The following ADAMTS18 variants were observed in gnomAD, a reference collection of about 807,000 sequenced individuals.
ADAMTS18 encodes the protein ADAM metallopeptidase with thrombospondin type 1 motif 18.
Under a neutral mutation model 165.9 loss-of-function variants are expected in ADAMTS18, and 157 were observed. The ratio of observed to expected loss-of-function variants is 0.95; its 90% CI spans 0.83 to 1.08. The LOEUF is 1.08. ADAMTS18 is among the 50% of genes least tolerant of loss of function. The pLI, the probability that ADAMTS18 is intolerant of heterozygous loss-of-function variation, is 0.00. For missense variants in ADAMTS18, 2,040 were observed against 1,534.0 expected, an observed-to-expected ratio of 1.33 and a Z score of -5.51; for synonymous variants, 782 against 578.2, an observed-to-expected ratio of 1.35 and a Z score of -5.06.
intron 21 of ADAMTS18, chr16:77,290,417 A>G (rs750145082): frequency 3.3e-5 from 5 of 152,046 alleles, no homozygotes; most frequent in Non-Finnish European, 7.4e-5. Flanking sequence ...ATCTAAATAA[A>G]CTTATTAGAG....
intron 12 of ADAMTS18, among the ~76,000 whole-genome samples, chr16:77,333,195 C>T (rs889690548): frequency 6.6e-6 from 1 of 152,118 alleles, no homozygotes; most frequent in Non-Finnish European, 1.5e-5. Context: ...TACCTTCCCT[C>T]GGTGCACATG....
At chr16:77,384,695 C>G (rs140972579) in intron 3 of ADAMTS18, among the ~76,000 whole-genome samples, 1 of 152,070 alleles carries the variant, frequency 6.6e-6, no homozygotes, top group Admixed American at 6.6e-5. Flanking sequence ...CTAATTTAAC[C>G]CTTTATATTC....
intron 10 of ADAMTS18, 140 bp from the exon 11 acceptor site, chr16:77,341,939 T>C: frequency 1.5e-6 from 1 of 680,626 alleles, no homozygotes; most frequent in South Asian, 1.8e-5. Context: ...CCAGTGAAGT[T>C]GGCAACACCA....
chr16:77,367,803 G>C, intron 3 of ADAMTS18, 80 bp from the exon 4 acceptor site: 2 of 1,547,642 alleles, frequency 1.3e-6, no homozygotes, highest in Non-Finnish European at 1.8e-6. Flanking sequence ...AACTGCTTCT[G>C]ACTAATTCCT....
Position 77,353,737 on chromosome 16 carries a change from A to G in ADAMTS18, c.1610T>C (p.Val537Ala). ...TGAAATCACAAGCAAACATACCTTCACAAAACCAAGGCTGCATAACTTGGC... is the reference window on the plus strand; with the variant it reads ...TGAAATCACAAGCAAACATACCTTCGCAAAACCAAGGCTGCATAACTTGGC... ...AKAKLCSLGF[V>A]KDICKSLWCH... Residue 537 changes from valine (V) to alanine (A), a missense_variant, in exon 10 of 23, where the codon GTG becomes GCG. By Grantham distance (64) the Val-to-Ala change is moderately conservative. Coordinates refer to ENST00000282849, the MANE Select transcript of ADAMTS18 (RefSeq NM_199355.4). 6.2e-7 allele frequency: 1 copy of G among 1,614,192 alleles called. No individual in the cohort carries two copies. The highest frequency in any genetic ancestry group is 8.5e-7 in the Non-Finnish European group (1 of 1,180,026).
chr16:77,330,223 G>A (rs1597130366), intron 12 of ADAMTS18, among the ~76,000 whole-genome samples: 1 of 152,172 alleles, frequency 6.6e-6, no homozygotes, highest in East Asian at 1.9e-4. Flanking sequence ...GCTAAGTTGT[G>A]TTAGAGTTAG....
chr16:77,320,963 A>G, intron 15 of ADAMTS18, 116 bp downstream of exon 15: 1 of 1,287,634 alleles, frequency 7.8e-7, no homozygotes, highest in South Asian at 1.2e-5. Context: ...AAATGCCACC[A>G]TCACTAGTGT....
intron 4 of ADAMTS18, among the ~76,000 whole-genome samples, chr16:77,365,770 G>A (rs2056784560): frequency 6.6e-6 from 1 of 152,200 alleles, no homozygotes; most frequent in Non-Finnish European, 1.5e-5. Flanking sequence ...CACTGGTCCA[G>A]CCGTAATAGT....
intron 2 of ADAMTS18, among the ~76,000 whole-genome samples, chr16:77,432,710 G>A (rs1040507744): frequency 7.9e-5 from 12 of 151,530 alleles, no homozygotes; most frequent in South Asian, 2.1e-4. Context: ...TACTGGAGGA[G>A]GAAAAGGAAG....
At chr16:77,418,057 A>T (rs138388296) in intron 3 of ADAMTS18, among the ~76,000 whole-genome samples, 482 of 152,308 alleles carry the variant, frequency 3.2e-3, no homozygotes, top group African/African-American at 0.011. Context: ...TTATAAATAC[A>T]TCTCTGTTTC....
intron 10 of ADAMTS18, among the ~76,000 whole-genome samples, chr16:77,345,641 G>T (rs1307196648): frequency 6.6e-6 from 1 of 152,082 alleles, no homozygotes; most frequent in African/African-American, 2.4e-5. Context: ...TTCTACATGT[G>T]GCTTGTTAAA....
In ADAMTS18 at chr16:77,289,326, T is replaced by A. The variant is rs753566494; in HGVS notation, c.3488A>T (p.His1163Leu). The change falls in exon 22 of 23, where the codon CAT becomes CTT. Residue 1163 changes from histidine to leucine, a missense_variant. Physicochemically the swap from His to Leu is moderately conservative, Grantham distance 99. Coordinates refer to ENST00000282849, the MANE Select transcript of ADAMTS18 (RefSeq NM_199355.4). ...QGRPSSSCLL[H>L]QKPPVLRACN... ...GGCTCGTAGCACCGGAGGTTTCTGA[T>A]GGAGCAGACAACTTGAGGAAGGCCG... 6.2e-7 allele frequency: 1 copy of A among 1,614,124 alleles called. No individual in the cohort carries two copies. Among genetic ancestry groups the A allele is most frequent in the Non-Finnish European group, 8.5e-7 (1 of 1,180,012 alleles).
In ADAMTS18 at chr16:77,282,862, C is replaced by A. The variant is rs766717514; in HGVS notation, c.*1094G>T. On this transcript the variant is annotated 3_prime_UTR_variant, in exon 23 of 23. Transcript: ENST00000282849. ...TATTAATATTAACATAGCAAGAAGA[C>A]AGATGGATTTTTTTATTACCACTGT... 1 of 148,346 alleles carries A rather than the reference C, an allele frequency of 6.7e-6. No homozygotes were observed. Among genetic ancestry groups the A allele is most frequent in the African/African-American group, 2.5e-5 (1 of 40,270 alleles). The allele number at this position is 148,346 out of a possible 1,614,324, so 9.2% of individuals were successfully genotyped here.
intron 4 of ADAMTS18, 57 bp from the exon 5 acceptor site, chr16:77,364,438 G>C: frequency 1.3e-6 from 2 of 1,563,902 alleles, no homozygotes; most frequent in African/African-American, 1.4e-5. Context: ...GGATAAGACA[G>C]TTGAGAGAGA....
chr16:77,420,853 T>G (rs2057592850), intron 3 of ADAMTS18, among the ~76,000 whole-genome samples: 1 of 152,204 alleles, frequency 6.6e-6, no homozygotes, highest in Non-Finnish European at 1.5e-5. Flanking sequence ...TGAGTAACAC[T>G]TCATTTACCT....
intron 10 of ADAMTS18, among the ~76,000 whole-genome samples, chr16:77,343,247 T>C (rs1394351618): frequency 6.6e-6 from 1 of 152,172 alleles, no homozygotes; most frequent in Non-Finnish European, 1.5e-5. Context: ...CCACTTTTTG[T>C]ATTTTTAGTA....
At position 77,353,739 on chromosome 16, in the gene ADAMTS18, A is replaced by G; in HGVS notation, c.1608T>C (p.Phe536=). The change falls in exon 10 of 23, where the codon TTT becomes TTC. Residue 536 remains phenylalanine, a synonymous_variant. Transcript: ENST00000282849. ...AAATCACAAGCAAACATACCTTCACAAAACCAAGGCTGCATAACTTGGCTT... is the reference window on the plus strand; with the variant it reads ...AAATCACAAGCAAACATACCTTCACGAAACCAAGGCTGCATAACTTGGCTT... The part of the protein sequence containing the change: ...GAKAKLCSLG[F]VKDICKSLWC... The G allele has an allele frequency of 3.7e-6, 6 of 1,614,220 alleles. No homozygotes were observed. The highest frequency in any genetic ancestry group is 5.1e-6 in the Non-Finnish European group (6 of 1,180,038).
chr16:77,414,213 T>C (rs1456908683), intron 3 of ADAMTS18, among the ~76,000 whole-genome samples: 1 of 152,218 alleles, frequency 6.6e-6, no homozygotes, highest in Non-Finnish European at 1.5e-5. Flanking sequence ...CAAACAATTT[T>C]AGCAAACCAG....
chr16:77,418,986 TA>T lies in ADAMTS18; in HGVS notation c.495+12308del, dbSNP rs371184393. On this transcript the variant is annotated intron_variant, in intron 3 of 22. Coordinates refer to ENST00000282849, the MANE Select transcript of ADAMTS18 (RefSeq NM_199355.4). The stretch of plus-strand genomic sequence containing the variant: ...CAACGTGGTGAAACACCGTCTCTAC[TA>T]AAAATACAAAAATTAGCTGGGCACG... 1.8e-3 allele frequency among the ~76,000 whole-genome samples: 270 copies of T among 152,172 alleles called. 2 individuals carry two copies. The highest frequency in any genetic ancestry group is 6.2e-3 in the African/African-American group (257 of 41,532).
Sources: allele counts gnomAD v4.1 joint callset (sites outside exome capture counted in the v4.1 genomes callset), GRCh38; gene constraint gnomAD v4.1.1; transcripts MANE v1.5; gene names NCBI Gene and HGNC (gene_info 2026-07-23, HGNC 2026-07-21).